JAM2: variants seen among roughly 807,000 people sequenced by gnomAD.
JAM2 encodes the protein junctional adhesion molecule 2.
In JAM2, 17 loss-of-function variants were observed where a neutral mutation model predicts 42.0. That is an observed-to-expected ratio of 0.40 (90% CI 0.28 to 0.61). The LOEUF (loss-of-function observed/expected upper bound fraction) is 0.61. Among genes scored for constraint, JAM2 ranks in the 20% least tolerant of loss-of-function variants. The probability of loss-of-function intolerance (pLI) is 0.37; values close to 1 mark genes in which losing one functional copy is unlikely to be tolerated. For synonymous variants in JAM2, 118 were observed against 128.6 expected, an observed-to-expected ratio of 0.92 and a Z score of 0.56; for missense variants, 319 against 358.3, an observed-to-expected ratio of 0.89 and a Z score of 0.89.
At chr21:25,684,846 C>T (rs2033714822) in intron 2 of JAM2, among the ~76,000 whole-genome samples, 1 of 152,158 alleles carries the variant, frequency 6.6e-6, no homozygotes, top group Non-Finnish European at 1.5e-5. Context: ...AGTCTGCCCA[C>T]CTTGGCCTCC....
intron 1 of JAM2, among the ~76,000 whole-genome samples, chr21:25,653,131 G>A (rs2032827531): frequency 6.6e-6 from 1 of 152,194 alleles, no homozygotes; most frequent in African/African-American, 2.4e-5. Flanking sequence ...ACATCACGTG[G>A]CCAAACGTGG....
At chr21:25,675,973 A>G (rs1409735188) in intron 1 of JAM2, among the ~76,000 whole-genome samples, 1 of 152,152 alleles carries the variant, frequency 6.6e-6, no homozygotes, top group African/African-American at 2.4e-5. Flanking sequence ...TGATAATGTG[A>G]TACTATACAT....
At chr21:25,642,628 T>C (rs2032478347) in intron 1 of JAM2, among the ~76,000 whole-genome samples, 1 of 152,206 alleles carries the variant, frequency 6.6e-6, no homozygotes, top group Non-Finnish European at 1.5e-5. Context: ...AACGATGATG[T>C]CAGTATCCCT....
intron 1 of JAM2, among the ~76,000 whole-genome samples, chr21:25,658,943 G>C (rs906637235): frequency 6.6e-6 from 1 of 152,052 alleles, no homozygotes; most frequent in African/African-American, 2.4e-5. Flanking sequence ...TGGAAGACAA[G>C]GATAAAAAGA....
At chr21:25,714,307 C>T in intron 9 of JAM2, 1 of 834,178 alleles carries the variant, frequency 1.2e-6, no homozygotes, top group Non-Finnish European at 1.7e-6. Flanking sequence ...GAGTTCTAGA[C>T]CAGTCTGGCC....
chr21:25,639,798 G>C lies in JAM2; in HGVS notation c.-24G>C. Reference sequence around the variant, plus strand: ...CGCCGGGACCCTCGACCTCCTCAGAGCAGCCGGCTGCCGCCCCGGGAAGAT... The same window carrying C: ...CGCCGGGACCCTCGACCTCCTCAGACCAGCCGGCTGCCGCCCCGGGAAGAT... On this transcript the variant is annotated 5_prime_UTR_variant, in exon 1 of 10. Coordinates refer to ENST00000480456, the MANE Select transcript of JAM2 (RefSeq NM_021219.4). The C allele has an allele frequency of 6.4e-7, 1 of 1,556,382 alleles. No individual in the cohort carries two copies. Among genetic ancestry groups the C allele is most frequent in the Non-Finnish European group, 8.7e-7 (1 of 1,152,872 alleles).
intron 5 of JAM2, among the ~76,000 whole-genome samples, chr21:25,700,530 T>G (rs1236785534): frequency 6.6e-6 from 1 of 152,070 alleles, no homozygotes; most frequent in African/African-American, 2.4e-5. Context: ...CTAGCAAATT[T>G]TTGTATTTTT....
rs747364620 is a variant in JAM2, at chr21:25,712,247, A to C, written c.822-93A>C. ...TATATGTTCATGTTCTTGCTGAGAA[A>C]ATGTATGGAAGTAAAATTAACTAAA... is the stretch of plus-strand genomic sequence containing the variant. On this transcript the variant is annotated intron_variant, in intron 8 of 9. Coordinates refer to ENST00000480456, the MANE Select transcript of JAM2 (RefSeq NM_021219.4). The C allele has an allele frequency of 4.7e-6, 4 of 857,334 alleles. No homozygotes were observed. In the African/African-American group the frequency reaches 6.6e-5, roughly 14 times the overall value. The allele number at this position is 857,334 out of a possible 1,614,324, so 53.1% of individuals were successfully genotyped here.
intron 7 of JAM2, among the ~76,000 whole-genome samples, chr21:25,708,933 T>C (rs750007893): frequency 6.6e-6 from 1 of 152,154 alleles, no homozygotes; most frequent in Non-Finnish European, 1.5e-5. Flanking sequence ...GGACAGAGGT[T>C]GGCAGACTAC....
chr21:25,662,719 TTTATA>T (rs751932490), intron 1 of JAM2, among the ~76,000 whole-genome samples: 2 of 152,108 alleles, frequency 1.3e-5, no homozygotes, highest in South Asian at 2.1e-4. Context: ...TTAAGTATAT[TTTATA>T]TTATATGTAA....
chr21:25,706,927 A>G (rs1018111197), intron 7 of JAM2, among the ~76,000 whole-genome samples: 1 of 151,752 alleles, frequency 6.6e-6, no homozygotes, highest in Non-Finnish European at 1.5e-5. Context: ...TTTAGTAGAG[A>G]CGGGGTTTCA....
intron 2 of JAM2, among the ~76,000 whole-genome samples, chr21:25,684,697 G>A (rs757925280): frequency 3.9e-5 from 6 of 152,134 alleles, no homozygotes; most frequent in African/African-American, 1.2e-4. Context: ...CTCTACCTCC[G>A]GGGTCAAGTG....
At chr21:25,641,490 A>G (rs550573120) in intron 1 of JAM2, among the ~76,000 whole-genome samples, 1 of 152,300 alleles carries the variant, frequency 6.6e-6, no homozygotes, top group South Asian at 2.1e-4. Context: ...GCTAAACTTG[A>G]TTCCTATAGG....
intron 1 of JAM2, among the ~76,000 whole-genome samples, chr21:25,652,576 G>A (rs1375255846): frequency 6.6e-6 from 1 of 151,994 alleles, no homozygotes; most frequent in African/African-American, 2.4e-5. Flanking sequence ...TTAAAATAAT[G>A]ATTTTGTTAT....
At chr21:25,668,557 G>C (rs1021915302) in intron 1 of JAM2, among the ~76,000 whole-genome samples, 7 of 152,318 alleles carry the variant, frequency 4.6e-5, no homozygotes, top group African/African-American at 1.7e-4. Context: ...TTCTCAACCA[G>C]AGCAATGGAA....
chr21:25,702,298 T>G (rs2034182971), intron 6 of JAM2, 29 bp downstream of exon 6: 1 of 1,435,598 alleles, frequency 7.0e-7, no homozygotes, highest in East Asian at 2.3e-5. Context: ...GAGGAACAAA[T>G]GGTTTGCAAT....
chr21:25,653,855 G>A (rs1344702773), intron 1 of JAM2, among the ~76,000 whole-genome samples: 1 of 152,142 alleles, frequency 6.6e-6, no homozygotes, highest in East Asian at 1.9e-4. Context: ...AACCTAAAAA[G>A]TCTTTCTTTA....
chr21:25,693,021 A>C (rs2033916617), intron 3 of JAM2, among the ~76,000 whole-genome samples: 1 of 152,220 alleles, frequency 6.6e-6, no homozygotes, highest in South Asian at 2.1e-4. Flanking sequence ...TGGAGAAATT[A>C]TGACTATCTT....
intron 5 of JAM2, among the ~76,000 whole-genome samples, chr21:25,700,515 C>G (rs763753562): frequency 6.6e-6 from 1 of 152,158 alleles, no homozygotes; most frequent in African/African-American, 2.4e-5. Flanking sequence ...CACCTGCCAC[C>G]ATGCCTAGCA....
Sources: gnomAD v4.1 joint callset for allele counts (sites outside exome capture counted in the v4.1 genomes callset) on GRCh38, gnomAD v4.1.1 for gene constraint, MANE v1.5 for transcripts, NCBI Gene and HGNC (gene_info 2026-07-23, HGNC 2026-07-21) for gene names.